Variants in AASDH observed in about 807,000 individuals in gnomAD.
AASDH encodes aminoadipate-semialdehyde dehydrogenase.
In AASDH, 81 loss-of-function variants were observed where a neutral mutation model predicts 102.3. That is an observed-to-expected ratio of 0.79 (90% confidence interval 0.66 to 0.95). AASDH has a LOEUF of 0.95. Ranked by LOEUF, AASDH falls within the 40% of genes least tolerant of loss-of-function variation. The pLI, the probability that AASDH is intolerant of heterozygous loss-of-function variation, is 0.00. For synonymous variants in AASDH, 398 were observed against 454.0 expected (o/e 0.88, Z 1.57); for missense variants, 1,203 against 1,266.2 (o/e 0.95, Z 0.76).
Position 56,362,878 on chromosome 4 carries a change from G to A in AASDH, c.862-7455C>T, listed in dbSNP as rs556507112. Reference sequence around the variant, plus strand: ...CAGGTTCATCTCACTGGGGAGTGCCGGACAGTGGGTGCAGTGCACCGTGTG... The same window carrying A: ...CAGGTTCATCTCACTGGGGAGTGCCAGACAGTGGGTGCAGTGCACCGTGTG... On this transcript the variant is annotated intron_variant, in intron 5 of 14. Coordinates refer to ENST00000205214, the MANE Select transcript of AASDH (RefSeq NM_181806.4). Among the ~76,000 whole-genome samples, 18 of 152,218 alleles carry A rather than the reference G, an allele frequency of 1.2e-4. No individual in the cohort carries two copies. In the East Asian group the frequency reaches 3.3e-3, roughly 28 times the overall value.
intron 5 of AASDH, among the ~76,000 whole-genome samples, chr4:56,370,585 A>G (rs1183169272): frequency 6.6e-6 from 1 of 152,170 alleles, no homozygotes. Context: ...ACCGCAGTCT[A>G]ATGAATCAGC....
intron 3 of AASDH, among the ~76,000 whole-genome samples, chr4:56,381,110 T>C (rs1180772657): frequency 6.6e-6 from 1 of 152,196 alleles, no homozygotes; most frequent in Non-Finnish European, 1.5e-5. Context: ...ACATTGACAA[T>C]TAATACTGAT....
At chr4:56,380,187 T>C (rs972590561) in intron 3 of AASDH, among the ~76,000 whole-genome samples, 3 of 152,312 alleles carry the variant, frequency 2.0e-5, no homozygotes, top group East Asian at 3.9e-4. Flanking sequence ...TTTCTGGATA[T>C]AGAGTGAGTC....
In AASDH at chr4:56,371,447, G is replaced by C; in HGVS notation, c.861+4C>G. ...ACAAAACGTTCATTGCTACTAAAAT[G>C]TACCTGCAAAACAGTCACTCTATGA... On this transcript the variant is annotated splice_donor_region_variant and intron_variant, in intron 5 of 14. Transcript: ENST00000205214. 2 of 1,590,196 alleles carry C rather than the reference G, an allele frequency of 1.3e-6. No homozygotes were observed. Among genetic ancestry groups the C allele is most frequent in the Non-Finnish European group, 8.5e-7 (1 of 1,174,044 alleles).
At chr4:56,355,472 A>G in intron 5 of AASDH, 49 bp from the exon 6 acceptor site, 1 of 1,536,168 alleles carries the variant, frequency 6.5e-7, no homozygotes, top group Non-Finnish European at 8.9e-7. Context: ...ACTTCTTTAA[A>G]AAGGTAAGCA....
At chr4:56,385,002 A>T (rs916710020) in intron 1 of AASDH, among the ~76,000 whole-genome samples, 4 of 152,256 alleles carry the variant, frequency 2.6e-5, no homozygotes, top group Non-Finnish European at 5.9e-5. Context: ...TGAACCCAGG[A>T]GGCAGAGGTT....
At chr4:56,361,025 A>G (rs1750225649) in intron 5 of AASDH, among the ~76,000 whole-genome samples, 1 of 152,214 alleles carries the variant, frequency 6.6e-6, no homozygotes, top group Non-Finnish European at 1.5e-5. Context: ...CACTAAGCCG[A>G]ATTTCAATGT....
chr4:56,373,948 T>C (rs1752040688), intron 4 of AASDH, among the ~76,000 whole-genome samples: 1 of 152,152 alleles, frequency 6.6e-6, no homozygotes, highest in Non-Finnish European at 1.5e-5. Flanking sequence ...GCAACAAACA[T>C]TTAAACATAT....
intron 1 of AASDH, among the ~76,000 whole-genome samples, chr4:56,387,153 G>C (rs1753665005): frequency 6.6e-6 from 1 of 152,200 alleles, no homozygotes; most frequent in Non-Finnish European, 1.5e-5. Context: ...CATTTGAATG[G>C]AGGGGCGGAG....
At chr4:56,384,384 G>A (rs1753313696) in intron 1 of AASDH, 43 bp from the exon 2 acceptor site, 15 of 1,118,022 alleles carry the variant, frequency 1.3e-5, no homozygotes, top group South Asian at 9.7e-5. Context: ...GAGTTTTAGA[G>A]AGCTCGGTGG....
chr4:56,341,265 C>T (rs1747642378), intron 14 of AASDH, among the ~76,000 whole-genome samples: 1 of 152,042 alleles, frequency 6.6e-6, no homozygotes, highest in Non-Finnish European at 1.5e-5. Flanking sequence ...ACTTAAGTGT[C>T]CACCAATGGA....
chr4:56,340,858 A>G (rs1747582921), intron 14 of AASDH, among the ~76,000 whole-genome samples: 1 of 152,212 alleles, frequency 6.6e-6, no homozygotes, highest in East Asian at 1.9e-4. Context: ...TGGGCAAGGG[A>G]GATGAATAGA....
intron 5 of AASDH, among the ~76,000 whole-genome samples, chr4:56,361,350 G>A (rs931960884): frequency 2.0e-5 from 3 of 151,852 alleles, no homozygotes; most frequent in Admixed American, 6.6e-5. Context: ...TGGAGGTTGC[G>A]GTGAGCTGAG....
At chr4:56,386,799 CAAAAAAA>C (rs386400124) in intron 1 of AASDH, among the ~76,000 whole-genome samples, 78 of 48,826 alleles carry the variant, frequency 1.6e-3, no homozygotes, top group Non-Finnish European at 2.3e-3. Context: ...GACTCCGTCT[CAAAAAAA>C]AAAAAAAAAA....
rs537180275 is a variant in AASDH, at chr4:56,347,130, C to T, written c.2489-1840G>A. Among the ~76,000 whole-genome samples, 38 of 151,432 alleles carry T rather than the reference C, an allele frequency of 2.5e-4. 1 individual carries two copies. The highest frequency in any genetic ancestry group is 1.8e-3 in the Admixed American group (28 of 15,210). ...AAAATTCCACTCATGATTATTTCAA[C>T]GGCTATAACAAAAAAAAAGTTAAAG... On this transcript the variant is annotated intron_variant, in intron 11 of 14. Coordinates refer to ENST00000205214, the MANE Select transcript of AASDH (RefSeq NM_181806.4).
chr4:56,384,069 C>A lies in AASDH; in HGVS notation c.230+1G>T. The A allele has an allele frequency of 6.2e-7, 1 of 1,610,074 alleles. No individual in the cohort carries two copies. The highest frequency in any genetic ancestry group is 8.5e-7 in the Non-Finnish European group (1 of 1,176,530). On this transcript the variant is annotated splice_donor_variant, in intron 2 of 14. Transcript: ENST00000205214. LOFTEE classifies it high-confidence loss of function. ...AAATTTACAGTTCTAAAAAATATTA[C>A]CCTAAAATCCAAGAGGGTAAGTCTA... is the stretch of plus-strand genomic sequence containing the variant.
Position 56,338,805 on chromosome 4 carries a change from T to TAAA in AASDH, c.2908-17_2908-15dup, listed in dbSNP as rs1489814230. The TAAA allele has an allele frequency of 6.2e-7, 1 of 1,604,558 alleles. No individual in the cohort carries two copies. The highest frequency in any genetic ancestry group is 2.2e-5 in the East Asian group (1 of 44,572). On this transcript the variant is annotated splice_polypyrimidine_tract_variant and intron_variant, in intron 14 of 14. Coordinates refer to ENST00000205214, the MANE Select transcript of AASDH (RefSeq NM_181806.4). The stretch of plus-strand genomic sequence containing the variant: ...GAACTGCCAAACCTATAACAAGTAA[T>TAAA]AAAAATAAATATAATTCATTCATCT...
At position 56,355,186 on chromosome 4, in the gene AASDH, G is replaced by A. The variant is rs748863015; in HGVS notation, c.1099C>T (p.Leu367Phe). 1.7e-5 allele frequency: 28 copies of A among 1,613,390 alleles called. No individual in the cohort carries two copies. ...TAGTACAATGAAAACCCTTACTTGA[G>A]AGTAGAGTTAAGAGTCTTCTCTGGA... ...RIPEKTLNST[L>F]KCELPVQLGF... is the part of the protein sequence containing the mutation. Residue 367 changes from leucine to phenylalanine, a missense_variant, in exon 6 of 15, where the codon CTC becomes TTC. Transcript: ENST00000205214.
At chr4:56,362,278 T>A (rs777762601) in intron 5 of AASDH, among the ~76,000 whole-genome samples, 6 of 152,162 alleles carry the variant, frequency 3.9e-5, no homozygotes, top group South Asian at 2.1e-4. Context: ...TTTGTTTGTT[T>A]GTTTTAGACT....
Sources: gnomAD v4.1 joint callset for allele counts (sites outside exome capture counted in the v4.1 genomes callset) on GRCh38, gnomAD v4.1.1 for gene constraint, MANE v1.5 for transcripts, NCBI Gene and HGNC (gene_info 2026-07-23, HGNC 2026-07-21) for gene names.